SETD3: variants seen among roughly 807,000 people sequenced by gnomAD.
The protein encoded by SETD3 is SET domain containing 3, actin N3(tau)-histidine methyltransferase, also known as actin-histidine N-methyltransferase.
SETD3 carries 19 observed loss-of-function variants against 63.0 expected under a neutral mutation model. The ratio of observed to expected loss-of-function variants is 0.30; its 90% confidence interval spans 0.21 to 0.44. The LOEUF is 0.44. SETD3 is among the 20% of genes least tolerant of loss of function. The pLI is 1.00. For missense variants in SETD3, 587 were observed against 728.5 expected (o/e 0.81, Z 2.24); for synonymous variants, 286 against 264.1 (o/e 1.08, Z -0.80).
intron 6 of SETD3, among the ~76,000 whole-genome samples, chr14:99,426,028 G>A (rs941731): frequency 0.49 from 74,545 of 151,856 alleles, 18,786 homozygotes; most frequent in African/African-American, 0.58. Flanking sequence ...AAAAAACTTG[G>A]TGTGGAAAAC....
intron 2 of SETD3, among the ~76,000 whole-genome samples, chr14:99,465,172 C>A (rs1416749487): frequency 6.6e-6 from 1 of 152,120 alleles, no homozygotes; most frequent in African/African-American, 2.4e-5. Context: ...TTAATTGAAT[C>A]ACCAAAAAGA....
At chr14:99,415,018 C>G (rs1892215460) in intron 6 of SETD3, among the ~76,000 whole-genome samples, 1 of 152,214 alleles carries the variant, frequency 6.6e-6, no homozygotes, top group Admixed American at 6.5e-5. Context: ...GTAGCTAAAA[C>G]CGTAAATCAA....
intron 6 of SETD3, among the ~76,000 whole-genome samples, chr14:99,420,201 T>C (rs1892512190): frequency 6.6e-6 from 1 of 152,070 alleles, no homozygotes; most frequent in Admixed American, 6.6e-5. Context: ...CCCTCACAAC[T>C]GCATGCGCTG....
chr14:99,432,165 GA>G (rs1777542206), intron 6 of SETD3, among the ~76,000 whole-genome samples: 2 of 152,168 alleles, frequency 1.3e-5, no homozygotes, highest in East Asian at 3.9e-4. Flanking sequence ...TGAACTACAT[GA>G]AAAAAATTAA....
intron 6 of SETD3, among the ~76,000 whole-genome samples, chr14:99,448,667 T>C (rs1254016943): frequency 6.6e-6 from 1 of 152,174 alleles, no homozygotes; most frequent in Non-Finnish European, 1.5e-5. Context: ...CTCACCATCA[T>C]CTTTGACTCT....
chr14:99,425,369 G>A (rs1324455271), intron 6 of SETD3, among the ~76,000 whole-genome samples: 2 of 152,218 alleles, frequency 1.3e-5, no homozygotes, highest in Non-Finnish European at 2.9e-5. Flanking sequence ...CGAAAGGCCT[G>A]CCAGCGGGCA....
At chr14:99,459,660 GCAC>G (rs911732181) in intron 4 of SETD3, among the ~76,000 whole-genome samples, 1 of 152,154 alleles carries the variant, frequency 6.6e-6, no homozygotes, top group African/African-American at 2.4e-5. Flanking sequence ...TATCTTTAAA[GCAC>G]AACAGTTACT....
intron 8 of SETD3, among the ~76,000 whole-genome samples, chr14:99,407,049 T>C (rs1206788417): frequency 6.6e-6 from 1 of 152,220 alleles, no homozygotes; most frequent in Non-Finnish European, 1.5e-5. Context: ...GGTGTTCCAT[T>C]GGATAAAGAA....
chr14:99,486,012 C>T, the SETD3 span, among the ~76,000 whole-genome samples: 1 of 151,970 alleles, frequency 6.6e-6, no homozygotes, highest in Non-Finnish European at 1.5e-5. Context: ...AATCCTATAC[C>T]GTACAAATTA....
At chr14:99,453,509 CT>C (rs1253154541) in intron 6 of SETD3, among the ~76,000 whole-genome samples, 2 of 152,120 alleles carry the variant, frequency 1.3e-5, no homozygotes, top group Non-Finnish European at 2.9e-5. Flanking sequence ...CCAATAGGAA[CT>C]TACTTTAAAT....
chr14:99,462,133 G>A (rs1243044959), intron 3 of SETD3, among the ~76,000 whole-genome samples: 1 of 152,116 alleles, frequency 6.6e-6, no homozygotes, highest in Non-Finnish European at 1.5e-5. Context: ...AAAACCAAGG[G>A]CTGAGGAAGG....
chr14:99,471,864 A>C (rs1232136788), intron 1 of SETD3, among the ~76,000 whole-genome samples: 2 of 152,162 alleles, frequency 1.3e-5, no homozygotes, highest in Non-Finnish European at 1.5e-5. Context: ...GGCACTTGTG[A>C]CCAAGGACAC....
At chr14:99,467,365 C>G (rs1312667219) in intron 1 of SETD3, among the ~76,000 whole-genome samples, 3 of 152,146 alleles carry the variant, frequency 2.0e-5, no homozygotes, top group Non-Finnish European at 4.4e-5. Flanking sequence ...AGCACCTTTT[C>G]CTATGCTTAA....
intron 3 of SETD3, among the ~76,000 whole-genome samples, chr14:99,461,909 G>A (rs528222307): frequency 1.3e-5 from 2 of 152,308 alleles, no homozygotes; most frequent in South Asian, 4.1e-4. Context: ...ATGTACCACA[G>A]TGGCTTTTAA....
At chr14:99,435,290 T>C (rs1211468213) in intron 6 of SETD3, among the ~76,000 whole-genome samples, 3 of 152,232 alleles carry the variant, frequency 2.0e-5, no homozygotes, top group African/African-American at 4.8e-5. Flanking sequence ...TTTGACTCTT[T>C]CCTGCCTCTC....
chr14:99,453,248 T>G (rs895015613), intron 6 of SETD3, among the ~76,000 whole-genome samples: 2 of 152,254 alleles, frequency 1.3e-5, no homozygotes, highest in Non-Finnish European at 1.5e-5. Context: ...ACGACACTTT[T>G]ATAAAACAAC....
chr14:99,461,387 A>G (rs373855694), intron 3 of SETD3, 47 bp from the exon 4 acceptor site: 83 of 1,577,012 alleles, frequency 5.3e-5, no homozygotes, highest in African/African-American at 5.2e-4. Context: ...TTTAGGACAC[A>G]TATCATTCAC....
intron 8 of SETD3, 136 bp downstream of exon 8, chr14:99,412,815 G>T: frequency 1.6e-6 from 1 of 629,870 alleles, no homozygotes; most frequent in Non-Finnish European, 2.9e-6. Flanking sequence ...AGGAGTGGCC[G>T]GTTCGGTTTT....
At chr14:99,449,222 G>A (rs554594847) in intron 6 of SETD3, among the ~76,000 whole-genome samples, 2 of 152,170 alleles carry the variant, frequency 1.3e-5, no homozygotes, top group Admixed American at 1.3e-4. Flanking sequence ...CACTACAGTA[G>A]TAACTATTAC....
Sources: allele counts gnomAD v4.1 joint callset (sites outside exome capture counted in the v4.1 genomes callset), GRCh38; gene constraint gnomAD v4.1.1; transcripts MANE v1.5; gene names NCBI Gene and HGNC (gene_info 2026-07-23, HGNC 2026-07-21).